The following SHANK2 variants were observed in gnomAD, a reference collection of about 807,000 sequenced individuals.
SHANK2 encodes the protein SH3 and multiple ankyrin repeat domains 2.
A neutral mutation model predicts 133.7 loss-of-function variants in SHANK2; 43 were observed. The observed-to-expected ratio is 0.32, with a 90% CI of 0.25 to 0.41. The LOEUF is 0.41. Among genes scored for constraint, SHANK2 ranks in the 10% least tolerant of loss-of-function variants. The pLI is 1.00. For missense variants in SHANK2, 1,994 were observed against 2,235.8 expected (o/e 0.89, Z 2.18); for synonymous variants, 1,017 against 952.8 (o/e 1.07, Z -1.24).
At chr11:70,733,117 G>A (rs1197128446) in intron 14 of SHANK2, among the ~76,000 whole-genome samples, 3 of 152,172 alleles carry the variant, frequency 2.0e-5, no homozygotes, top group African/African-American at 7.2e-5. Flanking sequence ...AGAAAGACGT[G>A]TCACATGCTA....
At chr11:70,910,762 G>A (rs1024788837) in intron 10 of SHANK2, among the ~76,000 whole-genome samples, 8 of 150,478 alleles carry the variant, frequency 5.3e-5, no homozygotes, top group South Asian at 2.1e-4. Context: ...AGCTGAGATC[G>A]CACAACTGCA....
chr11:70,531,412 G>A (rs1451098943), intron 17 of SHANK2, among the ~76,000 whole-genome samples: 2 of 152,202 alleles, frequency 1.3e-5, no homozygotes, highest in African/African-American at 2.4e-5. Context: ...TGAGCCTGGG[G>A]TGCATGCTTG....
intron 1 of SHANK2, among the ~76,000 whole-genome samples, chr11:71,230,493 C>T (rs782204491): frequency 6.6e-6 from 1 of 150,920 alleles, no homozygotes. Flanking sequence ...GGCGTGAACC[C>T]GGGAGGTGGA....
At chr11:71,167,800 T>A (rs1200261312) in intron 2 of SHANK2, among the ~76,000 whole-genome samples, 2 of 74,898 alleles carry the variant, frequency 2.7e-5, no homozygotes, top group Non-Finnish European at 2.7e-5. Context: ...GGGGGGCTGA[T>A]CCCCCCACCT....
intron 17 of SHANK2, chr11:70,631,215 A>G (rs1026979328): frequency 6.6e-6 from 1 of 152,258 alleles, no homozygotes; most frequent in South Asian, 2.1e-4. Flanking sequence ...AGGAGAGCTG[A>G]CTTTTCTAAA....
At chr11:71,131,232 T>C (rs1225442027) in intron 3 of SHANK2, among the ~76,000 whole-genome samples, 3 of 152,216 alleles carry the variant, frequency 2.0e-5, no homozygotes, top group African/African-American at 7.2e-5. Context: ...CAGAGGCCCA[T>C]TGGGCTGGTG....
intron 17 of SHANK2, among the ~76,000 whole-genome samples, chr11:70,584,138 C>G (rs1391407888): frequency 6.6e-6 from 1 of 152,162 alleles, no homozygotes; most frequent in Non-Finnish European, 1.5e-5. Context: ...TCCACTCTGC[C>G]CTTGGTTGGC....
chr11:71,195,485 A>G lies in SHANK2; in HGVS notation c.-13+29212T>C, dbSNP rs552592045. 8.5e-5 allele frequency among the ~76,000 whole-genome samples: 13 copies of G among 152,374 alleles called. No individual in the cohort carries two copies. In the South Asian group the frequency reaches 2.3e-3, roughly 27 times the overall value. ...TGGAGACATGAAATTTTATACTGAA[A>G]GCATAATTTTAAGAAAAGTGAAAAC... On this transcript the variant is annotated intron_variant, in intron 2 of 25. Transcript: ENST00000601538.
At chr11:70,870,538 G>A (rs1221922360) in intron 11 of SHANK2, among the ~76,000 whole-genome samples, 3 of 152,294 alleles carry the variant, frequency 2.0e-5, no homozygotes, top group South Asian at 2.1e-4. Flanking sequence ...AAACCACAGG[G>A]ATGAATTGTC....
At chr11:70,892,306 C>T (rs1269765136) in intron 11 of SHANK2, among the ~76,000 whole-genome samples, 4 of 152,016 alleles carry the variant, frequency 2.6e-5, no homozygotes, top group South Asian at 2.1e-4. Flanking sequence ...AATCCTAGAG[C>T]GAGGGAGCCT....
chr11:71,081,887 G>A lies in SHANK2; in HGVS notation c.913-6612C>T, dbSNP rs1028739088. The stretch of plus-strand genomic sequence containing the variant: ...CTGAGCCCCAGGTCCAGAGTGACAC[G>A]GGGAAGGGCTCCCGTGCTCTGGTCC... On this transcript the variant is annotated intron_variant, in intron 8 of 25. Transcript: ENST00000601538. Among the ~76,000 whole-genome samples, 348 of 152,324 alleles carry A rather than the reference G, an allele frequency of 2.3e-3. 1 individual carries two copies. The highest frequency in any genetic ancestry group is 8.1e-3 in the African/African-American group (336 of 41,576).
At chr11:70,547,725 C>T (rs1022237072) in intron 17 of SHANK2, among the ~76,000 whole-genome samples, 2 of 152,168 alleles carry the variant, frequency 1.3e-5, no homozygotes, top group African/African-American at 2.4e-5. Context: ...CTGGGACCCC[C>T]GCTTGAATAG....
chr11:71,101,291 A>G (rs1951713507), intron 6 of SHANK2, among the ~76,000 whole-genome samples: 2 of 151,914 alleles, frequency 1.3e-5, no homozygotes, highest in African/African-American at 2.4e-5. Flanking sequence ...CCTCTGCCGC[A>G]TTTTCCTTAC....
intron 15 of SHANK2, among the ~76,000 whole-genome samples, chr11:70,672,339 C>G (rs1555016289): frequency 6.6e-6 from 1 of 152,236 alleles, no homozygotes; most frequent in East Asian, 1.9e-4. Flanking sequence ...GCTGGGATTA[C>G]AGGCGTGAGC....
intron 12 of SHANK2, among the ~76,000 whole-genome samples, chr11:70,817,192 C>T (rs527653617): frequency 6.6e-6 from 1 of 152,322 alleles, no homozygotes; most frequent in African/African-American, 2.4e-5. Context: ...AAATGCTCAC[C>T]ACTGCTGTCC....
At chr11:71,234,488 A>G (rs1224348282) in intron 1 of SHANK2, among the ~76,000 whole-genome samples, 2 of 152,170 alleles carry the variant, frequency 1.3e-5, no homozygotes, top group Non-Finnish European at 2.9e-5. Context: ...CATTGTGAGG[A>G]GTTCTGAAAC....
intron 6 of SHANK2, among the ~76,000 whole-genome samples, chr11:71,099,744 G>T (rs1454830737): frequency 6.6e-6 from 1 of 152,122 alleles, no homozygotes; most frequent in African/African-American, 2.4e-5. Context: ...TGTCATTAGG[G>T]AACTGCAAAC....
At chr11:70,661,894 T>C in intron 15 of SHANK2, 2 of 1,330,010 alleles carry the variant, frequency 1.5e-6, no homozygotes, top group South Asian at 2.4e-5. Context: ...CAATGAGACT[T>C]GCAGGGTGGG....
At chr11:71,207,713 T>A (rs1954156644) in intron 2 of SHANK2, among the ~76,000 whole-genome samples, 1 of 152,212 alleles carries the variant, frequency 6.6e-6, no homozygotes, top group Non-Finnish European at 1.5e-5. Context: ...CAGGGCCAGC[T>A]GCCCCGTGTG....
Sources: gnomAD v4.1 joint callset for allele counts (sites outside exome capture counted in the v4.1 genomes callset) on GRCh38, gnomAD v4.1.1 for gene constraint, MANE v1.5 for transcripts, NCBI Gene and HGNC (gene_info 2026-07-23, HGNC 2026-07-21) for gene names.